Variants in ASCC3 observed in about 807,000 individuals in gnomAD.
The protein encoded by ASCC3 is activating signal cointegrator 1 complex subunit 3.
In ASCC3, 158 loss-of-function variants were observed where a neutral mutation model predicts 256.3. The ratio of observed to expected loss-of-function variants is 0.62; its 90% CI spans 0.54 to 0.70. The LOEUF is 0.70. ASCC3 is among the 30% of genes least tolerant of loss of function. The pLI, the probability that ASCC3 is intolerant of heterozygous loss-of-function variation, is 0.00. For missense variants in ASCC3, 2,259 were observed against 2,626.0 expected, an observed-to-expected ratio of 0.86 and a Z score of 3.05; for synonymous variants, 948 against 883.4, an observed-to-expected ratio of 1.07 and a Z score of -1.30.
chr6:100,798,252 A>C (rs1302501046), intron 8 of ASCC3, among the ~76,000 whole-genome samples: 1 of 152,184 alleles, frequency 6.6e-6, no homozygotes, highest in Non-Finnish European at 1.5e-5. Flanking sequence ...AGCAAAGGAT[A>C]TAAAGATAGT....
intron 34 of ASCC3, among the ~76,000 whole-genome samples, chr6:100,600,145 T>C (rs766577977): frequency 4.0e-5 from 6 of 151,828 alleles, no homozygotes; most frequent in Admixed American, 2.0e-4. Flanking sequence ...TCTTATGTAA[T>C]AGAAATGATA....
chr6:100,582,023 G>A (rs1771309492), intron 36 of ASCC3, among the ~76,000 whole-genome samples: 1 of 152,112 alleles, frequency 6.6e-6, no homozygotes, highest in African/African-American at 2.4e-5. Flanking sequence ...GTAGTGTGAT[G>A]CCTCCAGCTT....
intron 10 of ASCC3, among the ~76,000 whole-genome samples, chr6:100,740,553 C>G (rs1780387347): frequency 6.6e-6 from 1 of 152,082 alleles, no homozygotes; most frequent in African/African-American, 2.4e-5. Context: ...CCCACTATTA[C>G]TGTGTGTGAA....
intron 39 of ASCC3, among the ~76,000 whole-genome samples, chr6:100,514,679 A>G (rs1454082723): frequency 6.6e-6 from 1 of 152,112 alleles, no homozygotes; most frequent in South Asian, 2.1e-4. Flanking sequence ...ACATTTCAAT[A>G]CCAGCCAAAC....
At chr6:100,604,279 A>G (rs970440246) in intron 33 of ASCC3, among the ~76,000 whole-genome samples, 1 of 152,072 alleles carries the variant, frequency 6.6e-6, no homozygotes, top group Non-Finnish European at 1.5e-5. Context: ...AGACTAAAAA[A>G]TTTATCAATT....
intron 36 of ASCC3, among the ~76,000 whole-genome samples, chr6:100,581,746 G>C (rs1384690582): frequency 6.6e-6 from 1 of 151,884 alleles, no homozygotes; most frequent in Non-Finnish European, 1.5e-5. Context: ...AATCCATCTT[G>C]GATTGATTTT....
chr6:100,572,195 A>T (rs1770626859), intron 36 of ASCC3, among the ~76,000 whole-genome samples: 1 of 152,150 alleles, frequency 6.6e-6, no homozygotes, highest in Non-Finnish European at 1.5e-5. Context: ...TGATTAGGTC[A>T]TGAAAGCAGA....
intron 10 of ASCC3, among the ~76,000 whole-genome samples, chr6:100,731,160 G>T (rs1000080241): frequency 1.3e-5 from 2 of 152,010 alleles, no homozygotes; most frequent in African/African-American, 4.8e-5. Context: ...AGCTTTTGAA[G>T]GAACAGAGCA....
rs536605687 is a variant in ASCC3 at position 100,557,331 on chromosome 6, T to C, written c.5551-16944A>G. Among the ~76,000 whole-genome samples, 3 of 152,248 alleles carry C rather than the reference T, an allele frequency of 2.0e-5. No individual in the cohort carries two copies. The South Asian group carries it at 6.2e-4, about 32-fold the overall frequency. Reference sequence around the variant, plus strand: ...CTTTAGCTGGATCTCATAAGTACTGTTATGTTGTGCTTTTATTTGAAAGTA... The same window carrying C: ...CTTTAGCTGGATCTCATAAGTACTGCTATGTTGTGCTTTTATTTGAAAGTA... On this transcript the variant is annotated intron_variant, in intron 36 of 41. Coordinates refer to ENST00000369162, the MANE Select transcript of ASCC3 (RefSeq NM_006828.4).
At chr6:100,655,262 A>G (rs1388552136) in intron 17 of ASCC3, among the ~76,000 whole-genome samples, 2 of 151,932 alleles carry the variant, frequency 1.3e-5, no homozygotes, top group Non-Finnish European at 2.9e-5. Context: ...CTGTTAAGAT[A>G]GTAACTCCTT....
intron 13 of ASCC3, among the ~76,000 whole-genome samples, chr6:100,698,873 C>T (rs930904755): frequency 2.0e-5 from 3 of 151,958 alleles, no homozygotes; most frequent in African/African-American, 7.3e-5. Flanking sequence ...GTTGTTTTGC[C>T]CCCCTGATCT....
chr6:100,718,041 A>G (rs1338762415), intron 12 of ASCC3, 34 bp downstream of exon 12: 1 of 1,595,998 alleles, frequency 6.3e-7, no homozygotes, highest in Non-Finnish European at 8.6e-7. Flanking sequence ...GTCAACAAAA[A>G]TATTTTTAGA....
intron 13 of ASCC3, among the ~76,000 whole-genome samples, chr6:100,710,760 C>T (rs999933074): frequency 2.6e-5 from 4 of 151,876 alleles, no homozygotes; most frequent in Non-Finnish European, 5.9e-5. Context: ...GCTACTTTTC[C>T]CAACATTTGG....
intron 3 of ASCC3, among the ~76,000 whole-genome samples, chr6:100,853,488 G>A (rs79180823): frequency 0.015 from 2,141 of 144,630 alleles, 49 homozygotes; most frequent in African/African-American, 0.051. Flanking sequence ...GTTTTGAGAC[G>A]GAGTCTTGCT....
At chr6:100,858,303 T>C in intron 3 of ASCC3, 2 of 380,798 alleles carry the variant, frequency 5.3e-6, no homozygotes, top group Non-Finnish European at 7.2e-6. Context: ...TTTTCCAGTC[T>C]TTATGCCCTT....
intron 11 of ASCC3, among the ~76,000 whole-genome samples, chr6:100,722,682 T>C (rs1222581189): frequency 6.6e-6 from 1 of 151,668 alleles, no homozygotes; most frequent in Non-Finnish European, 1.5e-5. Context: ...ATACTGCACA[T>C]GTTTTTCTTA....
chr6:100,779,289 C>T (rs1306201214), intron 8 of ASCC3, among the ~76,000 whole-genome samples: 1 of 152,026 alleles, frequency 6.6e-6, no homozygotes, highest in African/African-American at 2.4e-5. Flanking sequence ...GATGGAGTCT[C>T]GCTATGTTGC....
intron 4 of ASCC3, among the ~76,000 whole-genome samples, chr6:100,828,851 G>A (rs1177629455): frequency 6.6e-6 from 1 of 152,060 alleles, no homozygotes; most frequent in African/African-American, 2.4e-5. Context: ...GACCCAAGCA[G>A]GTTGCCACTG....
intron 36 of ASCC3, among the ~76,000 whole-genome samples, chr6:100,559,345 CA>C (rs1769802119): frequency 6.6e-6 from 1 of 151,898 alleles, no homozygotes; most frequent in Non-Finnish European, 1.5e-5. Flanking sequence ...TCTGTTTTCT[CA>C]AAACAAAAGT....
Sources: gnomAD v4.1 joint callset for allele counts (sites outside exome capture counted in the v4.1 genomes callset) on GRCh38, gnomAD v4.1.1 for gene constraint, MANE v1.5 for transcripts, NCBI Gene and HGNC (gene_info 2026-07-23, HGNC 2026-07-21) for gene names.